The following PAX7 variants were observed in gnomAD, a reference collection of about 807,000 sequenced individuals.
PAX7 encodes the protein paired box protein Pax-7.
A neutral mutation model predicts 50.7 loss-of-function variants in PAX7; 18 were observed. That is an observed-to-expected ratio of 0.36 (90% confidence interval 0.25 to 0.53). The LOEUF is 0.53. Ranked by LOEUF, PAX7 falls within the 20% of genes least tolerant of loss-of-function variation. PAX7 has a pLI of 0.93. For missense variants in PAX7, 644 were observed against 702.9 expected (o/e 0.92, Z 0.95); for synonymous variants, 310 against 290.4 (o/e 1.07, Z -0.69).
intron 5 of PAX7, among the ~76,000 whole-genome samples, chr1:18,692,743 T>G (rs1008972609): frequency 1.3e-5 from 2 of 152,218 alleles, no homozygotes; most frequent in African/African-American, 4.8e-5. Flanking sequence ...GGTAGGCCAG[T>G]TCCTGGCAGG....
At position 18,745,098 on chromosome 1, in the gene PAX7, C is replaced by T; in HGVS notation, c.*169C>T. ...AGGTAGACAGCCAGCTTGTCACTCA[C>T]CTGTGGTTAGGGATCCAGAGTGATG... On this transcript the variant is annotated 3_prime_UTR_variant, in exon 9 of 9. Transcript: ENST00000420770. 1.7e-6 allele frequency: 1 copy of T among 602,900 alleles called. No individual in the cohort carries two copies. 37.3% of individuals were successfully genotyped at this position (602,900 alleles called of 1,614,324 possible). A position where few individuals can be genotyped will look rare whatever the true frequency, so the allele number is the denominator to read the frequency against.
rs140779169 is a variant in PAX7, at chr1:18,634,327, G to C, written c.110G>C (p.Arg37Pro). Residue 37 changes from arginine to proline, a missense_variant, in exon 2 of 9, where the codon CGG (arginine) becomes CCG (proline). Transcript: ENST00000420770. The surrounding 1 kb of genome is among the most constrained non-coding windows in gnomAD (Gnocchi z 4.0). ...LEVSTPLGQG[R>P]VNQLGGVFIN... ...GTGTCCACCCCGCTTGGCCAAGGCCGGGTCAATCAGCTGGGAGGGGTCTTC... is the reference window on the plus strand; with the variant it reads ...GTGTCCACCCCGCTTGGCCAAGGCCCGGTCAATCAGCTGGGAGGGGTCTTC... 1 of 1,613,912 alleles carries C rather than the reference G, an allele frequency of 6.2e-7. No homozygotes were observed. Among genetic ancestry groups the C allele is most frequent in the South Asian group, 1.1e-5 (1 of 91,034 alleles).
intron 4 of PAX7, among the ~76,000 whole-genome samples, chr1:18,658,312 G>C (rs760595143): frequency 1.3e-5 from 2 of 148,974 alleles, no homozygotes; most frequent in Non-Finnish European, 3.0e-5. Flanking sequence ...CTGTGTCTTC[G>C]AGGGACCCCA....
chr1:18,648,970 A>C (rs1391998434), intron 4 of PAX7, among the ~76,000 whole-genome samples: 2 of 152,132 alleles, frequency 1.3e-5, no homozygotes, highest in Non-Finnish European at 2.9e-5. Flanking sequence ...AAAGCAGCCC[A>C]TTCCCAGACT....
intron 4 of PAX7, among the ~76,000 whole-genome samples, chr1:18,651,380 A>G (rs1317931897): frequency 6.6e-6 from 1 of 152,240 alleles, no homozygotes; most frequent in Non-Finnish European, 1.5e-5. Context: ...AGTAATATGT[A>G]CTTGTAAAAT....
chr1:18,730,620 G>A (rs2089634136), intron 7 of PAX7, among the ~76,000 whole-genome samples: 1 of 151,422 alleles, frequency 6.6e-6, no homozygotes, highest in Non-Finnish European at 1.5e-5. Flanking sequence ...TTATCACAGA[G>A]GGTGCAGATC....
In PAX7 at chr1:18,706,783, G is replaced by A. The variant is rs545044; in HGVS notation, c.1155+3487G>A. On this transcript the variant is annotated intron_variant, in intron 7 of 8. Transcript: ENST00000420770. ...CAGGCGTGAGCCACTGCGTCTGGCC[G>A]GAATTTTTGTTCTTACAGAAGCCAA... Among the ~76,000 whole-genome samples, 10 of 152,146 alleles carry A rather than the reference G, an allele frequency of 6.6e-5. No homozygotes were observed. The South Asian group carries it at 8.3e-4, about 13-fold the overall frequency.
chr1:18,672,602 T>G (rs942731716), intron 4 of PAX7, among the ~76,000 whole-genome samples: 10 of 147,130 alleles, frequency 6.8e-5, no homozygotes, highest in South Asian at 2.2e-4. Context: ...CTGTGTTTTT[T>G]TTTTTTTTTT....
At chr1:18,663,043 A>C (rs2100209715) in intron 4 of PAX7, among the ~76,000 whole-genome samples, 1 of 152,386 alleles carries the variant, frequency 6.6e-6, no homozygotes, top group South Asian at 2.1e-4. Context: ...GTTTCTCCAC[A>C]GAGAAACGGC....
intron 8 of PAX7, among the ~76,000 whole-genome samples, chr1:18,741,346 A>C (rs1358990108): frequency 6.6e-6 from 1 of 152,084 alleles, no homozygotes; most frequent in African/African-American, 2.4e-5. Context: ...GCTACTTGGG[A>C]GACTGAGGCA....
At chr1:18,682,812 G>A (rs1394447461) in intron 4 of PAX7, among the ~76,000 whole-genome samples, 2 of 152,188 alleles carry the variant, frequency 1.3e-5, no homozygotes, top group African/African-American at 2.4e-5. Flanking sequence ...GGCTGTGGGG[G>A]CGGGGTAGGC....
intron 4 of PAX7, among the ~76,000 whole-genome samples, chr1:18,667,119 T>C (rs2088680088): frequency 6.6e-6 from 1 of 152,172 alleles, no homozygotes; most frequent in East Asian, 1.9e-4. Flanking sequence ...AGACAGCTTC[T>C]CCCTTGCTCA....
rs561373992 is a variant in PAX7 at position 18,650,457 on chromosome 1, AAGG to A, written c.586+14091_586+14093del. Among the ~76,000 whole-genome samples, 156 of 152,218 alleles carry A rather than the reference AAGG, an allele frequency of 1.0e-3. 2 individuals carry two copies. The highest frequency in any genetic ancestry group is 3.5e-3 in the African/African-American group (147 of 41,530). On this transcript the variant is annotated intron_variant, in intron 4 of 8. Transcript: ENST00000420770. ...CAATGCCATCCTGGGATGGTGCTGGAAGGAGGATTCAATGCAGCCTGTGGGGGA... is the reference window on the plus strand; with the variant it reads ...CAATGCCATCCTGGGATGGTGCTGGAAGGATTCAATGCAGCCTGTGGGGGA...
chr1:18,668,663 C>T (rs1431867072), intron 4 of PAX7, among the ~76,000 whole-genome samples: 1 of 152,170 alleles, frequency 6.6e-6, no homozygotes, highest in Non-Finnish European at 1.5e-5. Context: ...TTGATCTTGC[C>T]ACTGCACTGC....
At chr1:18,695,567 C>G (rs2089140254) in intron 5 of PAX7, among the ~76,000 whole-genome samples, 1 of 152,216 alleles carries the variant, frequency 6.6e-6, no homozygotes, top group Non-Finnish European at 1.5e-5. Flanking sequence ...CTGCTTGAAG[C>G]CTGCTAGATG....
At chr1:18,654,510 C>T (rs570358656) in intron 4 of PAX7, among the ~76,000 whole-genome samples, 3 of 151,704 alleles carry the variant, frequency 2.0e-5, no homozygotes, top group East Asian at 1.9e-4. Flanking sequence ...ATGCCTTCCT[C>T]CTTCCTAAAT....
At position 18,700,058 on chromosome 1, in the gene PAX7, C is replaced by A. The variant is rs1011331837; in HGVS notation, c.787-595C>A. 2.0e-5 allele frequency among the ~76,000 whole-genome samples: 3 copies of A among 150,674 alleles called. No homozygotes were observed. The highest frequency in any genetic ancestry group is 7.4e-5 in the African/African-American group (3 of 40,674). ...AGACAAAAATGTTGGGTTATTATCC[C>A]ACTAATGTTTGATAAATCCGTGTGT... On this transcript the variant is annotated intron_variant, in intron 5 of 8. Coordinates refer to ENST00000420770, the MANE Select transcript of PAX7 (RefSeq NM_001135254.2). This position sits in a 1 kb window ranked among gnomAD's most constrained non-coding sequence, Gnocchi z 4.8.
chr1:18,643,581 G>A (rs2088292086), intron 4 of PAX7, among the ~76,000 whole-genome samples: 1 of 152,206 alleles, frequency 6.6e-6, no homozygotes, highest in East Asian at 1.9e-4. Context: ...GATCAGGAGA[G>A]CCAGCGGGAC....
rs2088159856 is a variant in PAX7, at chr1:18,636,489, C to T, written c.586+118C>T. 1 of 1,302,594 alleles carries T rather than the reference C, an allele frequency of 7.7e-7. No individual in the cohort carries two copies. Among genetic ancestry groups the T allele is most frequent in the Non-Finnish European group, 1.1e-6 (1 of 941,894 alleles). 80.7% of individuals were successfully genotyped at this position (1,302,594 alleles called of 1,614,324 possible). On this transcript the variant is annotated intron_variant, in intron 4 of 8. Coordinates refer to ENST00000420770, the MANE Select transcript of PAX7 (RefSeq NM_001135254.2). This position sits in a 1 kb window ranked among gnomAD's most constrained non-coding sequence, Gnocchi z 5.1. ...CGACCAGAACTCCAGCGGAGAAACT[C>T]TCATGCTGCGGGGCAGCTGGGAGCC...
Sources: gnomAD v4.1 joint callset for allele counts (sites outside exome capture counted in the v4.1 genomes callset) on GRCh38, gnomAD v4.1.1 for gene constraint, Gnocchi (gnomAD v3.1) non-coding constraint, MANE v1.5 for transcripts, NCBI Gene and HGNC (gene_info 2026-07-23, HGNC 2026-07-21) for gene names.